Variants in ACACA observed in about 807,000 individuals in gnomAD.
The protein encoded by ACACA is acetyl-CoA carboxylase 1.
Under a neutral mutation model 296.1 loss-of-function variants are expected in ACACA, and 103 were observed. The observed-to-expected ratio is 0.35, with a 90% confidence interval of 0.30 to 0.41. The LOEUF (loss-of-function observed/expected upper bound fraction) is 0.41. ACACA is among the 10% of genes least tolerant of loss of function. The pLI, the probability that ACACA is intolerant of heterozygous loss-of-function variation, is 1.00. For missense variants in ACACA, 1,554 were observed against 2,989.7 expected (o/e 0.52, Z 11.20); for synonymous variants, 953 against 1,038.6 (o/e 0.92, Z 1.58).
chr17:37,235,089 G>C lies in ACACA; in HGVS notation c.3132C>G (p.Asp1044Glu), dbSNP rs140628687. Residue 1044 changes from aspartate to glutamate, a missense_variant, in exon 25 of 56, where the codon GAC (aspartate) becomes GAG (glutamate). Physicochemically the swap from Asp to Glu is conservative, Grantham distance 45. Coordinates refer to ENST00000616317, the MANE Select transcript of ACACA (RefSeq NM_198834.3). Reference sequence around the variant, plus strand: ...CTTCTCGGAGGGCGAATACACATTTGTCATAGTGACCTGCACACCATGAAA... The same window carrying C: ...CTTCTCGGAGGGCGAATACACATTTCTCATAGTGACCTGCACACCATGAAA... ...VETQFQNGHYDKCVFALREEN... is the reference protein window; with the variant it reads ...VETQFQNGHYEKCVFALREEN... 6.0e-4 allele frequency: 962 copies of C among 1,613,292 alleles called. 9 individuals are homozygous for C. Among genetic ancestry groups the C allele is most frequent in the Middle Eastern group, 3.1e-3 (19 of 6,060 alleles).
chr17:37,397,238 A>G (rs955332645), intron 1 of ACACA, among the ~76,000 whole-genome samples: 2 of 152,078 alleles, frequency 1.3e-5, no homozygotes, highest in South Asian at 4.1e-4. Context: ...ATGGCTGCAT[A>G]GTATTCCATA....
chr17:37,094,977 G>A (rs920184119), intron 54 of ACACA, among the ~76,000 whole-genome samples: 3 of 152,248 alleles, frequency 2.0e-5, no homozygotes, highest in African/African-American at 7.2e-5. Context: ...GTGGTCAACT[G>A]TTCTCTCCAT....
chr17:37,214,672 C>G (rs1330456514), intron 29 of ACACA, among the ~76,000 whole-genome samples: 1 of 152,168 alleles, frequency 6.6e-6, no homozygotes, highest in Non-Finnish European at 1.5e-5. Flanking sequence ...ACAGCAGAGA[C>G]TAGAAGCTGA....
At chr17:37,359,706 C>G (rs1460565250) in intron 1 of ACACA, among the ~76,000 whole-genome samples, 3 of 152,230 alleles carry the variant, frequency 2.0e-5, no homozygotes, top group African/African-American at 4.8e-5. Context: ...AATCCTAACA[C>G]ATTAACAAGG....
intron 3 of ACACA, among the ~76,000 whole-genome samples, chr17:37,311,134 GC>G (rs2084120298): frequency 6.6e-6 from 1 of 152,188 alleles, no homozygotes; most frequent in Admixed American, 6.6e-5. Flanking sequence ...GCATAGTTGG[GC>G]AGAGGACAGA....
At chr17:37,260,296 ATT>A (rs1165828702) in intron 11 of ACACA, among the ~76,000 whole-genome samples, 329 of 18,842 alleles carry the variant, frequency 0.017, 5 homozygotes, top group East Asian at 0.045. Context: ...ATATATATAT[ATT>A]TTTTTTTTTT....
intron 1 of ACACA, among the ~76,000 whole-genome samples, chr17:37,371,211 C>T (rs2147676511): frequency 6.6e-6 from 1 of 151,822 alleles, no homozygotes; most frequent in Non-Finnish European, 1.5e-5. Context: ...CCCCGAGTAG[C>T]TGGGATTACA....
chr17:37,343,273 C>T (rs765998866), intron 1 of ACACA, among the ~76,000 whole-genome samples: 3 of 151,922 alleles, frequency 2.0e-5, no homozygotes, highest in Non-Finnish European at 2.9e-5. Flanking sequence ...CCACTGTGGC[C>T]GGCCCAGAGA....
At chr17:37,204,944 T>C (rs1381031493) in intron 33 of ACACA, among the ~76,000 whole-genome samples, 1 of 152,150 alleles carries the variant, frequency 6.6e-6, no homozygotes, top group East Asian at 1.9e-4. Context: ...GGAAACTCTT[T>C]GGAGGGAGAA....
At chr17:37,269,763 G>GA (rs71159698) in intron 10 of ACACA, among the ~76,000 whole-genome samples, 207 of 129,230 alleles carry the variant, frequency 1.6e-3, no homozygotes, top group East Asian at 4.9e-3. Flanking sequence ...TGTTTTAAGG[G>GA]AAAAAAAAAA....
At chr17:37,400,631 G>A (rs1295719163) in intron 1 of ACACA, among the ~76,000 whole-genome samples, 1 of 152,050 alleles carries the variant, frequency 6.6e-6, no homozygotes, top group Non-Finnish European at 1.5e-5. Flanking sequence ...GTTTTTCTGT[G>A]CCTGGCTTAT....
chr17:37,141,845 C>G (rs2075595514), intron 45 of ACACA, among the ~76,000 whole-genome samples: 1 of 151,888 alleles, frequency 6.6e-6, no homozygotes, highest in African/African-American at 2.4e-5. Context: ...GTGTGTGCCA[C>G]CACGCCTGGC....
intron 44 of ACACA, 85 bp downstream of exon 44, chr17:37,151,216 G>T: frequency 1.4e-6 from 2 of 1,473,458 alleles, no homozygotes; most frequent in Non-Finnish European, 1.9e-6. Flanking sequence ...CTCTCATTTG[G>T]GACTGAATAG....
intron 52 of ACACA, among the ~76,000 whole-genome samples, chr17:37,099,192 G>A (rs1395343963): frequency 1.3e-5 from 2 of 152,176 alleles, no homozygotes; most frequent in African/African-American, 2.4e-5. Context: ...ATAAACACAG[G>A]TTAACAGAGG....
rs114537559 is a variant in ACACA, at chr17:37,390,029, C to A, written c.38+16233G>T. Among the ~76,000 whole-genome samples the A allele has an allele frequency of 4.7e-3, 678 of 143,988 alleles. 6 individuals are homozygous for A. The highest frequency in any genetic ancestry group is 0.017 in the African/African-American group (640 of 38,364). The allele number at this position is 143,988 out of a possible 152,430, so 94.5% of individuals were successfully genotyped here. A position where few individuals can be genotyped will look rare whatever the true frequency, so the allele number is the denominator to read the frequency against. ...GGCCAGGCCTGATTCATCATGCCTG[C>A]AATCCCAGTGCTTTGGGAGGCAGAG... On this transcript the variant is annotated intron_variant, in intron 1 of 55. Transcript: ENST00000616317.
chr17:37,280,549 G>A (rs184418861), intron 5 of ACACA, among the ~76,000 whole-genome samples: 38 of 152,142 alleles, frequency 2.5e-4, no homozygotes, highest in Non-Finnish European at 4.7e-4. Context: ...TTAATCTTAA[G>A]GTAGAGTATC....
intron 1 of ACACA, 104 bp downstream of exon 1, chr17:37,406,158 T>A (rs1243340642): frequency 1.5e-6 from 2 of 1,314,078 alleles, no homozygotes; most frequent in Non-Finnish European, 2.2e-6. Flanking sequence ...TGAGACCGTA[T>A]GTGTAACCTG....
intron 54 of ACACA, among the ~76,000 whole-genome samples, chr17:37,090,530 G>A (rs958885042): frequency 1.3e-5 from 2 of 152,130 alleles, no homozygotes; most frequent in East Asian, 1.9e-4. Flanking sequence ...GTGTGGCCCC[G>A]TCAGTGCAAA....
intron 29 of ACACA, among the ~76,000 whole-genome samples, chr17:37,217,590 C>T (rs2079067062): frequency 6.6e-6 from 1 of 151,210 alleles, no homozygotes; most frequent in African/African-American, 2.4e-5. Context: ...AAAAAATTAG[C>T]CGGGCATCAT....
Sources: gnomAD v4.1 joint callset for allele counts (sites outside exome capture counted in the v4.1 genomes callset) on GRCh38, gnomAD v4.1.1 for gene constraint, MANE v1.5 for transcripts, NCBI Gene and HGNC (gene_info 2026-07-23, HGNC 2026-07-21) for gene names.